The following ASPH variants were observed in gnomAD, a reference collection of about 807,000 sequenced individuals.
ASPH encodes aspartate beta-hydroxylase.
ASPH carries 100 observed loss-of-function variants against 118.4 expected under a neutral mutation model. The observed-to-expected ratio is 0.84, with a 90% CI of 0.72 to 1.00. The LOEUF (loss-of-function observed/expected upper bound fraction) is 1.00, where lower values mean the gene tolerates loss of function less well. ASPH is among the 50% of genes least tolerant of loss of function. The probability of loss-of-function intolerance (pLI) is 0.00; values close to 1 mark genes in which losing one functional copy is unlikely to be tolerated. For synonymous variants in ASPH, 315 were observed against 325.6 expected (o/e 0.97, Z 0.35); for missense variants, 920 against 919.5 (o/e 1.00, Z -0.01).
intron 1 of ASPH, among the ~76,000 whole-genome samples, chr8:61,702,413 T>C (rs935748147): frequency 4.0e-5 from 6 of 151,370 alleles, no homozygotes; most frequent in Admixed American, 6.6e-5. Context: ...ACCTCCTGAG[T>C]AGCTGGTACT....
intron 22 of ASPH, among the ~76,000 whole-genome samples, chr8:61,518,888 C>T (rs1258520410): frequency 6.6e-6 from 1 of 152,160 alleles, no homozygotes; most frequent in Non-Finnish European, 1.5e-5. Context: ...TCGAGGTTTG[C>T]AGCATTGCAT....
Position 61,628,223 on chromosome 8 carries a change from G to A in ASPH, c.934+5460C>T, listed in dbSNP as rs1330751990. ...CACACAGGCTAGAGTGCAGTGGTGC[G>A]ATCATAGCCTACTGCAGCTTTGACC... On this transcript the variant is annotated intron_variant, in intron 13 of 24. Transcript: ENST00000379454. The A allele has an allele frequency of 5.4e-5, 14 of 258,744 alleles. No individual in the cohort carries two copies. The Admixed American group carries it at 6.0e-4, about 11-fold the overall frequency. 16.0% of individuals were successfully genotyped at this position (258,744 alleles called of 1,614,324 possible).
chr8:61,550,410 G>A (rs1026545818), intron 20 of ASPH, among the ~76,000 whole-genome samples: 8 of 143,880 alleles, frequency 5.6e-5, no homozygotes, highest in Admixed American at 2.1e-4. Flanking sequence ...TCTTCCAATC[G>A]TTGCTATGTA....
chr8:61,643,301 A>C, intron 9 of ASPH, 85 bp downstream of exon 9: 1 of 1,385,252 alleles, frequency 7.2e-7, no homozygotes, highest in Non-Finnish European at 9.8e-7. Context: ...GATGCCTTTA[A>C]AAGAAAAATC....
chr8:61,616,131 G>A (rs1848930646), intron 14 of ASPH, among the ~76,000 whole-genome samples: 1 of 152,150 alleles, frequency 6.6e-6, no homozygotes, highest in Non-Finnish European at 1.5e-5. Flanking sequence ...AATTTTAAAT[G>A]GGGGGAGAGT....
At chr8:61,619,420 T>C (rs1047573302) in intron 13 of ASPH, among the ~76,000 whole-genome samples, 4 of 152,164 alleles carry the variant, frequency 2.6e-5, no homozygotes, top group African/African-American at 9.7e-5. Context: ...ACTTGAACAA[T>C]TGACATCATG....
intron 2 of ASPH, among the ~76,000 whole-genome samples, chr8:61,682,275 G>A (rs1260305782): frequency 6.6e-6 from 1 of 152,008 alleles, no homozygotes. Flanking sequence ...CAGAATTCAA[G>A]AAACAGTAAA....
intron 3 of ASPH, chr8:61,661,845 T>C: frequency 2.4e-6 from 1 of 408,380 alleles, no homozygotes; most frequent in East Asian, 3.5e-5. Context: ...ATTCAAGTGT[T>C]CATGCTGATT....
At chr8:61,675,356 T>G in intron 3 of ASPH, 1 of 965,604 alleles carries the variant, frequency 1.0e-6, no homozygotes, top group East Asian at 1.1e-4. Flanking sequence ...ACAAATTACT[T>G]TCTCTGGATG....
intron 9 of ASPH, among the ~76,000 whole-genome samples, 191 bp downstream of exon 9, chr8:61,643,195 T>G (rs1806117235): frequency 6.6e-6 from 1 of 152,198 alleles, no homozygotes; most frequent in Non-Finnish European, 1.5e-5. Flanking sequence ...GAATGGTTAG[T>G]TGATGAGGTG....
At chr8:61,677,232 A>G (rs988568253) in intron 3 of ASPH, among the ~76,000 whole-genome samples, 4 of 152,188 alleles carry the variant, frequency 2.6e-5, no homozygotes, top group African/African-American at 9.7e-5. Context: ...AAATCAAAGT[A>G]TATATTGTTT....
rs1038485727 is a variant in ASPH, at chr8:61,517,567, G to A, written c.2087C>T (p.Pro696Leu). The change falls in exon 24 of 25, where the codon CCC becomes CTC. Residue 696 changes from proline to leucine, a missense_variant. Pro to Leu is a moderately conservative substitution (Grantham distance 98, BLOSUM62 -3). Transcript: ENST00000379454. ...ACATCGAATCTTGCAGCCTTCCTTG[G>A]GAATCACCAAGCCCAGGTGCATTCG... Reference protein sequence around the residue: ...RLRMHLGLVIPKEGCKIRCAN... With the variant: ...RLRMHLGLVILKEGCKIRCAN... The A allele has an allele frequency of 6.2e-7, 1 of 1,614,018 alleles. No individual in the cohort carries two copies. Among genetic ancestry groups the A allele is most frequent in the African/African-American group, 1.3e-5 (1 of 74,922 alleles).
chr8:61,664,991 T>C (rs1818806982), intron 3 of ASPH: 1 of 1,200,606 alleles, frequency 8.3e-7, no homozygotes, highest in South Asian at 3.5e-5. Flanking sequence ...TCATGATACA[T>C]ATACATTTAT....
chr8:61,556,518 A>C (rs1827937036), intron 18 of ASPH, among the ~76,000 whole-genome samples: 1 of 152,218 alleles, frequency 6.6e-6, no homozygotes, highest in South Asian at 2.1e-4. Flanking sequence ...TCAACAGAAA[A>C]CTTCTTGAGT....
chr8:61,624,860 C>T, intron 13 of ASPH: 3 of 985,590 alleles, frequency 3.0e-6, no homozygotes, highest in Non-Finnish European at 2.4e-6. Context: ...ATTTGAGTAT[C>T]ATCTCTGTAT....
chr8:61,641,880 C>T (rs1805295383), intron 10 of ASPH, among the ~76,000 whole-genome samples: 1 of 152,142 alleles, frequency 6.6e-6, no homozygotes, highest in South Asian at 2.1e-4. Flanking sequence ...TAAAGTTATA[C>T]CCAACTGACT....
intron 13 of ASPH, chr8:61,632,581 C>T (rs1370578914): frequency 1.1e-5 from 5 of 441,480 alleles, no homozygotes; most frequent in South Asian, 8.8e-5. Context: ...TAGTAGTCAT[C>T]ATGTAAAAGG....
At chr8:61,702,575 C>T (rs865981981) in intron 1 of ASPH, among the ~76,000 whole-genome samples, 22 of 151,916 alleles carry the variant, frequency 1.4e-4, no homozygotes, top group Non-Finnish European at 1.0e-4. Context: ...CATGACCCAC[C>T]GCGCCCAGCC....
At chr8:61,709,534 C>A (rs1021156183) in intron 1 of ASPH, among the ~76,000 whole-genome samples, 2 of 152,214 alleles carry the variant, frequency 1.3e-5, no homozygotes, top group African/African-American at 4.8e-5. Flanking sequence ...GCAGCCCTTG[C>A]ACCTCCACAT....
Sources: gnomAD v4.1 joint callset for allele counts (sites outside exome capture counted in the v4.1 genomes callset) on GRCh38, gnomAD v4.1.1 for gene constraint, MANE v1.5 for transcripts, NCBI Gene and HGNC (gene_info 2026-07-23, HGNC 2026-07-21) for gene names.